Variants in NAP1L4 observed in about 807,000 individuals in gnomAD.
The protein encoded by NAP1L4 is nucleosome assembly protein 1 like 4, also known as nucleosome assembly protein 1-like 4.
NAP1L4 carries 15 observed loss-of-function variants against 58.2 expected under a neutral mutation model. The ratio of observed to expected loss-of-function variants is 0.26; its 90% CI spans 0.17 to 0.40. NAP1L4 has a LOEUF of 0.40. NAP1L4 is among the 10% of genes least tolerant of loss of function. The pLI, the probability that NAP1L4 is intolerant of heterozygous loss-of-function variation, is 1.00. For synonymous variants in NAP1L4, 171 were observed against 155.6 expected (o/e 1.10, Z -0.74); for missense variants, 384 against 451.1 (o/e 0.85, Z 1.35).
Position 2,971,357 on chromosome 11 carries a change from A to T in NAP1L4, c.402+91T>A, listed in dbSNP as rs569320540. ...CAGCAGCACCTACTGTTAGAAGCACATAAGTTTACTAGTCATTAAAAATCA... is the reference window on the plus strand; with the variant it reads ...CAGCAGCACCTACTGTTAGAAGCACTTAAGTTTACTAGTCATTAAAAATCA... On this transcript the variant is annotated intron_variant, in intron 6 of 15. Transcript: ENST00000380542. This position sits in a 1 kb window ranked among gnomAD's most constrained non-coding sequence, Gnocchi z 4.2. 1.9e-5 allele frequency: 22 copies of T among 1,130,880 alleles called. No homozygotes were observed. The highest frequency in any genetic ancestry group is 2.7e-5 in the Non-Finnish European group (21 of 778,226). 70.1% of individuals were successfully genotyped at this position (1,130,880 alleles called of 1,614,324 possible).
Position 2,946,141 on chromosome 11 carries a change from T to C in NAP1L4, c.*33-495A>G, listed in dbSNP as rs1363359957. On this transcript the variant is annotated intron_variant, in intron 15 of 15. Transcript: ENST00000380542. The surrounding 1 kb of genome is among the most constrained non-coding windows in gnomAD (Gnocchi z 4.8). ...GAAAGCACATCTCTCCTCTAGCGGGTTCCTGCTCTTTGTACTACCAGGGAG... is the reference window on the plus strand; with the variant it reads ...GAAAGCACATCTCTCCTCTAGCGGGCTCCTGCTCTTTGTACTACCAGGGAG... Among the ~76,000 whole-genome samples, 1 of 152,128 alleles carries C rather than the reference T, an allele frequency of 6.6e-6. No homozygotes were observed. Among genetic ancestry groups the C allele is most frequent in the African/African-American group, 2.4e-5 (1 of 41,424 alleles).
chr11:2,981,352 C>T (rs1419832712), intron 1 of NAP1L4, among the ~76,000 whole-genome samples: 1 of 134,234 alleles, frequency 7.4e-6, no homozygotes, highest in Non-Finnish European at 1.5e-5. Flanking sequence ...GGAGGCCTGG[C>T]GGCTGCAGTG....
chr11:2,962,754 CAGGCTAAGAAAGAA>C (rs1847004381), intron 8 of NAP1L4, among the ~76,000 whole-genome samples: 1 of 151,660 alleles, frequency 6.6e-6, no homozygotes, highest in Non-Finnish European at 1.5e-5. Context: ...AATAAGATGA[CAGGCTAAGAAAGAA>C]AGAAAATTGA....
rs1381870694 is a variant in NAP1L4 at position 2,951,705 on chromosome 11, C to A, written c.1065+75G>T. 1 of 1,488,448 alleles carries A rather than the reference C, an allele frequency of 6.7e-7. No individual in the cohort carries two copies. The highest frequency in any genetic ancestry group is 1.1e-5 in the South Asian group (1 of 88,370). The allele number at this position is 1,488,448 out of a possible 1,614,324, so 92.2% of individuals were successfully genotyped here. A position where few individuals can be genotyped will look rare whatever the true frequency, so the allele number is the denominator to read the frequency against. ...TGGGTTTAACACAGCCCTGTGAGTC[C>A]ATAACCTTCAAGCAGAGAAAGCCAA... On this transcript the variant is annotated intron_variant, in intron 13 of 15. Transcript: ENST00000380542. This position sits in a 1 kb window ranked among gnomAD's most constrained non-coding sequence, Gnocchi z 4.0.
chr11:2,954,452 G>T lies in NAP1L4; in HGVS notation c.1035+75C>A. 6.2e-7 allele frequency: 1 copy of T among 1,605,936 alleles called. No homozygotes were observed. Among genetic ancestry groups the T allele is most frequent in the Non-Finnish European group, 8.5e-7 (1 of 1,173,108 alleles). On this transcript the variant is annotated intron_variant, in intron 12 of 15. Coordinates refer to ENST00000380542, the MANE Select transcript of NAP1L4 (RefSeq NM_005969.4). The surrounding 1 kb of genome is among the most constrained non-coding windows in gnomAD (Gnocchi z 4.8). ...AAGATTAGGCATGGGGGTTTCCTAA[G>T]CCACAATTCAGGGCCACTCTGCACC...
chr11:2,970,850 C>CA (rs1320470922), intron 6 of NAP1L4, among the ~76,000 whole-genome samples: 3 of 54,036 alleles, frequency 5.6e-5, no homozygotes, highest in Non-Finnish European at 1.1e-4. Context: ...CATATACCAC[C>CA]CCCCCCCCAA....
At position 2,949,375 on chromosome 11, in the gene NAP1L4, G is replaced by A. The variant is rs969455977; in HGVS notation, c.1123-111C>T. On this transcript the variant is annotated intron_variant, in intron 14 of 15. Transcript: ENST00000380542. This position sits in a 1 kb window ranked among gnomAD's most constrained non-coding sequence, Gnocchi z 4.0. The stretch of plus-strand genomic sequence containing the variant: ...TTCTCATGATACAAAAGGGCTGCAA[G>A]ATACTGAACTCGGGGTGAACAACTT... 4.6e-6 allele frequency: 4 copies of A among 867,304 alleles called. No individual in the cohort carries two copies. Among genetic ancestry groups the A allele is most frequent in the African/African-American group, 3.4e-5 (2 of 59,682 alleles). 53.7% of individuals were successfully genotyped at this position (867,304 alleles called of 1,614,324 possible). A position where few individuals can be genotyped will look rare whatever the true frequency, so the allele number is the denominator to read the frequency against.
intron 4 of NAP1L4, among the ~76,000 whole-genome samples, chr11:2,975,607 G>C (rs35280869): frequency 1.1e-4 from 16 of 151,998 alleles, no homozygotes; most frequent in Non-Finnish European, 1.8e-4. Flanking sequence ...CCAGGCTGGA[G>C]GGTAGTGAAA....
At chr11:2,983,756 G>C (rs1181014271) in intron 1 of NAP1L4, 1 of 152,060 alleles carries the variant, frequency 6.6e-6, no homozygotes, top group Non-Finnish European at 1.5e-5. Flanking sequence ...CCCTATCACA[G>C]ATCACCTGAA....
At chr11:2,986,363 G>A (rs1444936814) in intron 1 of NAP1L4, among the ~76,000 whole-genome samples, 2 of 131,014 alleles carry the variant, frequency 1.5e-5, no homozygotes, top group African/African-American at 5.8e-5. Context: ...GACAGAGCCA[G>A]ACCCTGTCTC....
Position 2,945,236 on chromosome 11 carries a change from G to C in NAP1L4, c.*443C>G, listed in dbSNP as rs763233041. 4.8e-6 allele frequency: 1 copy of C among 207,054 alleles called. No individual in the cohort carries two copies. Among genetic ancestry groups the C allele is most frequent in the Non-Finnish European group, 9.6e-6 (1 of 104,452 alleles). The allele number at this position is 207,054 out of a possible 1,614,324, so 12.8% of individuals were successfully genotyped here. On this transcript the variant is annotated 3_prime_UTR_variant, in exon 16 of 16. Transcript: ENST00000380542. ...TTCAGTCCAACTGCAGGAGGGGTGG[G>C]AGAGGTTCCAGATCCTGGGAACCAC...
At chr11:2,980,819 T>A (rs1367221223) in intron 1 of NAP1L4, among the ~76,000 whole-genome samples, 11 of 152,216 alleles carry the variant, frequency 7.2e-5, no homozygotes, top group African/African-American at 2.4e-4. Context: ...TTAAAATTTT[T>A]ATTGTTTAGA....
At chr11:2,977,471 A>C (rs1006255303) in intron 3 of NAP1L4, among the ~76,000 whole-genome samples, 4 of 152,220 alleles carry the variant, frequency 2.6e-5, no homozygotes, top group Admixed American at 2.6e-4. Flanking sequence ...GCATTCTATA[A>C]GACAACAGTG....
At chr11:2,970,494 G>C (rs564279832) in intron 6 of NAP1L4, among the ~76,000 whole-genome samples, 3 of 152,266 alleles carry the variant, frequency 2.0e-5, no homozygotes, top group Non-Finnish European at 2.9e-5. Flanking sequence ...CAGCTTGTAA[G>C]GAAGTGGCTA....
In NAP1L4 at chr11:2,955,815, A is replaced by T; in HGVS notation, c.893-49T>A. The stretch of plus-strand genomic sequence containing the variant: ...TATTTAAATTACAGTGACAACTCCC[A>T]GAATTTTAAAGCCCACACAGGAGGA... On this transcript the variant is annotated intron_variant, in intron 10 of 15. Coordinates refer to ENST00000380542, the MANE Select transcript of NAP1L4 (RefSeq NM_005969.4). This position sits in a 1 kb window ranked among gnomAD's most constrained non-coding sequence, Gnocchi z 4.2. The T allele has an allele frequency of 6.4e-7, 1 of 1,555,132 alleles. No individual in the cohort carries two copies. Among genetic ancestry groups the T allele is most frequent in the Non-Finnish European group, 8.9e-7 (1 of 1,129,722 alleles).
chr11:2,958,330 G>C, intron 10 of NAP1L4, 69 bp downstream of exon 10: 5 of 1,508,498 alleles, frequency 3.3e-6, no homozygotes, highest in Non-Finnish European at 4.6e-6. Flanking sequence ...CTGGGTGTTA[G>C]GAATCTATCA....
chr11:2,953,170 A>T (rs1846330921), intron 12 of NAP1L4, among the ~76,000 whole-genome samples: 2 of 152,236 alleles, frequency 1.3e-5, no homozygotes, highest in African/African-American at 4.8e-5. Context: ...ACTGCTCATC[A>T]GTAGTACCTG....
chr11:2,962,960 C>T (rs60898246), intron 8 of NAP1L4, among the ~76,000 whole-genome samples: 34,723 of 151,072 alleles, frequency 0.23, 4,155 homozygotes, highest in South Asian at 0.34. Flanking sequence ...ATTAGCTGGG[C>T]GTGGTGGTGC....
Position 2,948,802 on chromosome 11 carries a change from GT to G in NAP1L4, c.*32+424del, listed in dbSNP as rs201503793. Among the ~76,000 whole-genome samples, 1,236 of 152,348 alleles carry G rather than the reference GT, an allele frequency of 8.1e-3. 14 individuals carry two copies. The highest frequency in any genetic ancestry group is 0.029 in the African/African-American group (1,189 of 41,572). On this transcript the variant is annotated intron_variant, in intron 15 of 15. Coordinates refer to ENST00000380542, the MANE Select transcript of NAP1L4 (RefSeq NM_005969.4). The surrounding 1 kb of genome is among the most constrained non-coding windows in gnomAD (Gnocchi z 5.1). The stretch of plus-strand genomic sequence containing the variant: ...AAGTATAGATATTCAACAGACACGT[GT>G]TGGTAATGACAGTGGGCCAATTTCA...
Sources: allele counts gnomAD v4.1 joint callset (sites outside exome capture counted in the v4.1 genomes callset), GRCh38; gene constraint gnomAD v4.1.1; non-coding constraint Gnocchi (gnomAD v3.1); transcripts MANE v1.5; gene names NCBI Gene and HGNC (gene_info 2026-07-23, HGNC 2026-07-21).